The following CEP78 variants were observed in gnomAD, a reference collection of about 807,000 sequenced individuals.
CEP78 encodes centrosomal protein of 78 kDa.
CEP78 carries 76 observed loss-of-function variants against 81.2 expected under a neutral mutation model. The observed-to-expected ratio is 0.94, with a 90% CI of 0.78 to 1.13. The LOEUF is 1.13. CEP78 is among the 50% of genes most tolerant of loss of function. The pLI is 0.00. For synonymous variants in CEP78, 293 were observed against 301.4 expected, an observed-to-expected ratio of 0.97 and a Z score of 0.29; for missense variants, 918 against 846.8, an observed-to-expected ratio of 1.08 and a Z score of -1.04.
At chr9:78,267,815 C>T (rs1458051635) in intron 16 of CEP78, among the ~76,000 whole-genome samples, 1 of 151,994 alleles carries the variant, frequency 6.6e-6, no homozygotes. Flanking sequence ...AATACCCCTC[C>T]CTGGTAAAAT....
Position 78,236,129 on chromosome 9 carries a change from C to G in CEP78, c.-222C>G, listed in dbSNP as rs1202178147. 11 of 543,566 alleles carry G rather than the reference C, an allele frequency of 2.0e-5. No homozygotes were observed. Among genetic ancestry groups the G allele is most frequent in the Middle Eastern group, 4.8e-4 (1 of 2,072 alleles). 33.7% of individuals were successfully genotyped at this position (543,566 alleles called of 1,614,324 possible). On this transcript the variant is annotated 5_prime_UTR_variant, in exon 1 of 17. Coordinates refer to ENST00000643273, the MANE Select transcript of CEP78 (RefSeq NM_001330691.3). ...TGAGGCGGGCGCCAACTGCTTGGGC[C>G]GCAGGGCGGGAGGCAGCGCGGGAGT...
chr9:78,250,710 G>T (rs1486129140), intron 8 of CEP78, among the ~76,000 whole-genome samples: 1 of 152,122 alleles, frequency 6.6e-6, no homozygotes, highest in African/African-American at 2.4e-5. Context: ...CTGCACTCCA[G>T]CCTGGGCGAC....
rs1274122577 is a variant in CEP78 at position 78,277,211 on chromosome 9, GA to G, written c.*6367del. 1 of 151,590 alleles carries G rather than the reference GA, an allele frequency of 6.6e-6. No individual in the cohort carries two copies. Among genetic ancestry groups the G allele is most frequent in the East Asian group, 1.9e-4 (1 of 5,160 alleles). 9.4% of individuals were successfully genotyped at this position (151,590 alleles called of 1,614,324 possible). ...TAAAAATAACTAGAAGAAAATACTG[GA>G]AAAAAATTGTAATAAATGTGTAAGA... On this transcript the variant is annotated 3_prime_UTR_variant, in exon 17 of 17. Transcript: ENST00000643273.
At position 78,254,928 on chromosome 9, in the gene CEP78, G is replaced by A; in HGVS notation, c.1344G>A (p.Val448=). The A allele has an allele frequency of 6.2e-7, 1 of 1,611,476 alleles. No individual in the cohort carries two copies. The highest frequency in any genetic ancestry group is 1.7e-5 in the Admixed American group (1 of 59,964). ...ATTCTTCAGAGAGTGTTCATGAAGT[G>A]CCTGAGAAAACTAGTATAGAACAAG... ...VDDSSESVHE[V]PEKTSIEQEA... Residue 448 remains valine, a synonymous_variant, in exon 11 of 17, where the codon GTG becomes GTA. Coordinates refer to ENST00000643273, the MANE Select transcript of CEP78 (RefSeq NM_001330691.3).
rs183022892 is a variant in CEP78, at chr9:78,261,191, C to T, written c.1381-1716C>T. Among the ~76,000 whole-genome samples, 448 of 152,168 alleles carry T rather than the reference C, an allele frequency of 2.9e-3. 2 individuals are homozygous for T. The highest frequency in any genetic ancestry group is 1.0e-2 in the African/African-American group (414 of 41,506). On this transcript the variant is annotated intron_variant, in intron 11 of 16. Coordinates refer to ENST00000643273, the MANE Select transcript of CEP78 (RefSeq NM_001330691.3). ...TCCTGACCTTGTGATCTGCCTGCCT[C>T]GGCCTCCCAAAGTGCTGGGATTACA...
chr9:78,257,992 T>G (rs147135017), intron 11 of CEP78, among the ~76,000 whole-genome samples: 3,293 of 152,318 alleles, frequency 0.022, 119 homozygotes, highest in African/African-American at 0.074. Flanking sequence ...AACTCTGCAG[T>G]AGGCAGTATT....
chr9:78,248,495 C>T (rs1826604180), intron 7 of CEP78, 140 bp downstream of exon 7: 1 of 657,038 alleles, frequency 1.5e-6, no homozygotes, highest in African/African-American at 1.8e-5. Flanking sequence ...GTAGCTAGGA[C>T]TGTAGGTATA....
chr9:78,274,407 G>A lies in CEP78; in HGVS notation c.*3556G>A, dbSNP rs1008164286. On this transcript the variant is annotated 3_prime_UTR_variant, in exon 17 of 17. Coordinates refer to ENST00000643273, the MANE Select transcript of CEP78 (RefSeq NM_001330691.3). Reference sequence around the variant, plus strand: ...ATGAACAGTTCTGTATCCTGATTGCGGTGGTGGTAACGTGAGTCTATACAT... The same window carrying A: ...ATGAACAGTTCTGTATCCTGATTGCAGTGGTGGTAACGTGAGTCTATACAT... 7 of 152,096 alleles carry A rather than the reference G, an allele frequency of 4.6e-5. No individual in the cohort carries two copies. The highest frequency in any genetic ancestry group is 1.5e-4 in the African/African-American group (6 of 41,376). The allele number at this position is 152,096 out of a possible 1,614,324, so 9.4% of individuals were successfully genotyped here.
At chr9:78,246,923 G>A (rs1826518726) in intron 6 of CEP78, 141 bp downstream of exon 6, 1 of 519,310 alleles carries the variant, frequency 1.9e-6, no homozygotes, top group South Asian at 2.8e-5. Context: ...TATGTTTTTA[G>A]TAGATAATTT....
In CEP78 at chr9:78,279,070, A is replaced by G. The variant is rs1416208402; in HGVS notation, c.*8219A>G. Reference sequence around the variant, plus strand: ...CATTTTAAACCACTGTGAACTGAAAAAAAAAAAAAAGGCAACCTTGGTAGT... The same window carrying G: ...CATTTTAAACCACTGTGAACTGAAAGAAAAAAAAAAGGCAACCTTGGTAGT... On this transcript the variant is annotated 3_prime_UTR_variant, in exon 17 of 17. Coordinates refer to ENST00000643273, the MANE Select transcript of CEP78 (RefSeq NM_001330691.3). The G allele has an allele frequency of 6.6e-6, 1 of 151,836 alleles. No individual in the cohort carries two copies. Among genetic ancestry groups the G allele is most frequent in the African/African-American group, 2.4e-5 (1 of 41,316 alleles). 9.4% of individuals were successfully genotyped at this position (151,836 alleles called of 1,614,324 possible). A position where few individuals can be genotyped will look rare whatever the true frequency, so the allele number is the denominator to read the frequency against.
Position 78,276,689 on chromosome 9 carries a change from A to G in CEP78, c.*5838A>G, listed in dbSNP as rs1251112155. ...CATCCACAATAGCTGCGAGAAGTAA[A>G]TATTATCTAGAAATAAGATTAACAA... On this transcript the variant is annotated 3_prime_UTR_variant, in exon 17 of 17. Coordinates refer to ENST00000643273, the MANE Select transcript of CEP78 (RefSeq NM_001330691.3). 1 of 152,194 alleles carries G rather than the reference A, an allele frequency of 6.6e-6. No individual in the cohort carries two copies. Among genetic ancestry groups the G allele is most frequent in the Admixed American group, 6.5e-5 (1 of 15,276 alleles). The allele number at this position is 152,194 out of a possible 1,614,324, so 9.4% of individuals were successfully genotyped here.
chr9:78,251,618 C>T (rs1826763228), intron 8 of CEP78, among the ~76,000 whole-genome samples: 2 of 152,016 alleles, frequency 1.3e-5, no homozygotes, highest in Non-Finnish European at 2.9e-5. Flanking sequence ...GCGTGCTCTG[C>T]ATGTCTCATA....
chr9:78,240,787 C>T (rs908969876), intron 3 of CEP78, among the ~76,000 whole-genome samples: 6 of 151,942 alleles, frequency 3.9e-5, no homozygotes, highest in Admixed American at 2.6e-4. Flanking sequence ...GGTGAAACCC[C>T]ATCTCTACTA....
chr9:78,254,997 G>C (rs1587586562), intron 11 of CEP78, 33 bp downstream of exon 11: 3 of 1,575,692 alleles, frequency 1.9e-6, no homozygotes, highest in Non-Finnish European at 8.6e-7. Context: ...ATATGGAGAA[G>C]ATCATTTCAA....
intron 6 of CEP78, 40 bp from the exon 7 acceptor site, chr9:78,248,251 G>C: frequency 9.0e-7 from 1 of 1,106,344 alleles, no homozygotes; most frequent in South Asian, 1.3e-5. Flanking sequence ...CCACTCATTG[G>C]GAAATAATTA....
At chr9:78,243,339 C>A in intron 4 of CEP78, 123 bp from the exon 5 acceptor site, 2 of 704,670 alleles carry the variant, frequency 2.8e-6, no homozygotes, top group Non-Finnish European at 4.4e-6. Context: ...TCAGATTAAC[C>A]CACCTGGCAT....
At chr9:78,246,539 G>T (rs1432139089) in intron 5 of CEP78, 130 bp from the exon 6 acceptor site, 4 of 482,014 alleles carry the variant, frequency 8.3e-6, no homozygotes, top group South Asian at 3.2e-5. Flanking sequence ...GGCAGAGCTT[G>T]CAGTGAGCGG....
In CEP78 at chr9:78,248,284, A is replaced by G. The variant is rs763118504; in HGVS notation, c.893-7A>G. ...TTACTATAATTTCAATTTTTATTTT[A>G]CTTTAGATCATTCTATGATGAAAGC... On this transcript the variant is annotated splice_polypyrimidine_tract_variant and splice_region_variant and intron_variant, in intron 6 of 16. Coordinates refer to ENST00000643273, the MANE Select transcript of CEP78 (RefSeq NM_001330691.3). The G allele has an allele frequency of 2.6e-5, 39 of 1,489,398 alleles. No individual in the cohort carries two copies. Among genetic ancestry groups the G allele is most frequent in the Non-Finnish European group, 2.6e-5 (28 of 1,068,590 alleles). The allele number at this position is 1,489,398 out of a possible 1,614,324, so 92.3% of individuals were successfully genotyped here.
chr9:78,259,984 A>G lies in CEP78; in HGVS notation c.1381-2923A>G, dbSNP rs928292013. Among the ~76,000 whole-genome samples the G allele has an allele frequency of 2.6e-5, 4 of 152,228 alleles. No individual in the cohort carries two copies. In the East Asian group the frequency reaches 7.7e-4, roughly 29 times the overall value. ...TGGCAGGGATTTTCTTTATTCAGCA[A>G]TTATTTATTGGTTGTCTGCTTTGTG... On this transcript the variant is annotated intron_variant, in intron 11 of 16. Transcript: ENST00000643273.
Sources: allele counts gnomAD v4.1 joint callset (sites outside exome capture counted in the v4.1 genomes callset), GRCh38; gene constraint gnomAD v4.1.1; transcripts MANE v1.5; gene names NCBI Gene and HGNC (gene_info 2026-07-23, HGNC 2026-07-21).